Variants in SCEL observed in about 807,000 individuals in gnomAD.
SCEL encodes sciellin.
Under a neutral mutation model 117.6 loss-of-function variants are expected in SCEL, and 113 were observed. That is an observed-to-expected ratio of 0.96 (90% CI 0.83 to 1.12). SCEL has a LOEUF of 1.12. Ranked by LOEUF, SCEL falls within the 50% of genes most tolerant of loss-of-function variation. The pLI is 0.00. For missense variants in SCEL, 785 were observed against 810.8 expected (o/e 0.97, Z 0.39); for synonymous variants, 270 against 256.2 (o/e 1.05, Z -0.51).
chr13:77,593,300 G>GTGTGTGCACGCGTC (rs1555510797), intron 11 of SCEL, among the ~76,000 whole-genome samples: 1 of 145,148 alleles, frequency 6.9e-6, no homozygotes, highest in African/African-American at 2.6e-5. Context: ...GTGTGTGTCT[G>GTGTGTGCACGCGTC]TGTGTGTGTG....
At chr13:77,631,075 G>T (rs561304911) in intron 28 of SCEL, among the ~76,000 whole-genome samples, 7 of 152,198 alleles carry the variant, frequency 4.6e-5, no homozygotes, top group African/African-American at 1.7e-4. Context: ...AACCTCTAAG[G>T]CAGTGATTCT....
chr13:77,614,055 C>T (rs2088859359), intron 24 of SCEL, 100 bp downstream of exon 24: 1 of 984,262 alleles, frequency 1.0e-6, no homozygotes, highest in Non-Finnish European at 1.6e-6. Context: ...GAATATAAAT[C>T]TCAAAATATC....
intron 7 of SCEL, 131 bp downstream of exon 7, chr13:77,568,464 G>A: frequency 1.7e-6 from 1 of 574,372 alleles, no homozygotes; most frequent in Admixed American, 3.8e-5. Flanking sequence ...AGTAGTAGAA[G>A]ACAATACCAA....
chr13:77,582,277 AG>A (rs1269574612), intron 9 of SCEL, among the ~76,000 whole-genome samples: 1 of 152,108 alleles, frequency 6.6e-6, no homozygotes, highest in African/African-American at 2.4e-5. Context: ...CCCAGGCTGG[AG>A]TGCAGTGGTG....
chr13:77,594,452 A>C (rs2087105337), intron 12 of SCEL, among the ~76,000 whole-genome samples: 1 of 152,156 alleles, frequency 6.6e-6, no homozygotes. Flanking sequence ...ATGCCAATCC[A>C]TCCAAGCCCT....
chr13:77,636,042 C>G (rs1023267151), intron 29 of SCEL, among the ~76,000 whole-genome samples: 1 of 152,064 alleles, frequency 6.6e-6, no homozygotes, highest in Non-Finnish European at 1.5e-5. Context: ...GTCTGTTGAC[C>G]GGAAGCCTCT....
chr13:77,640,682 C>G lies in SCEL; in HGVS notation c.1845C>G (p.Val615=). The change falls in exon 31 of 33, where the codon GTC becomes GTG. Residue 615 remains valine (V), a synonymous_variant. Transcript: ENST00000349847. ...ATTGCTTACATTTCTATAGGTCTGT[C>G]ATTGAAAGAGATATGTGCACTTACT... The part of the protein sequence containing the change: ...QTVYSTSDRS[V]IERDMCTYCR... 1 of 1,560,708 alleles carries G rather than the reference C, an allele frequency of 6.4e-7. No homozygotes were observed. The highest frequency in any genetic ancestry group is 1.4e-5 in the African/African-American group (1 of 73,250).
In SCEL at chr13:77,596,333, T is replaced by TA. The variant is rs571492644; in HGVS notation, c.753-1200dup. 7.8e-3 allele frequency among the ~76,000 whole-genome samples: 911 copies of TA among 116,998 alleles called. 7 individuals carry two copies. The highest frequency in any genetic ancestry group is 0.022 in the African/African-American group (823 of 37,778). The allele number at this position is 116,998 out of a possible 152,430, so 76.8% of individuals were successfully genotyped here. A position where few individuals can be genotyped will look rare whatever the true frequency, so the allele number is the denominator to read the frequency against. On this transcript the variant is annotated intron_variant, in intron 12 of 32. Transcript: ENST00000349847. The stretch of plus-strand genomic sequence containing the variant: ...GGGCAACAAGAGTGAAACTCTGTCT[T>TA]AAAAAAAAAAAAGTATAGCAAGCAT...
At chr13:77,596,556 C>A (rs1397759665) in intron 12 of SCEL, among the ~76,000 whole-genome samples, 1 of 152,112 alleles carries the variant, frequency 6.6e-6, no homozygotes, top group Non-Finnish European at 1.5e-5. Flanking sequence ...AGGTAACTCA[C>A]CCAGATTCAC....
chr13:77,566,033 C>A (rs1018385801), intron 5 of SCEL, among the ~76,000 whole-genome samples: 1 of 152,182 alleles, frequency 6.6e-6, no homozygotes, highest in Non-Finnish European at 1.5e-5. Context: ...TAATCTCCCA[C>A]AGCAATAAGA....
intron 19 of SCEL, among the ~76,000 whole-genome samples, chr13:77,605,811 C>G (rs2088122152): frequency 6.6e-6 from 1 of 152,034 alleles, no homozygotes; most frequent in Non-Finnish European, 1.5e-5. Context: ...TCGAGACCAT[C>G]CTGGCTAACA....
chr13:77,543,600 T>C (rs1303854727), intron 1 of SCEL, among the ~76,000 whole-genome samples: 3 of 152,216 alleles, frequency 2.0e-5, no homozygotes, highest in African/African-American at 7.2e-5. Flanking sequence ...CCAATTCTTC[T>C]CTGTTGAGCT....
At chr13:77,575,754 A>G (rs996920271) in intron 9 of SCEL, among the ~76,000 whole-genome samples, 1 of 152,204 alleles carries the variant, frequency 6.6e-6, no homozygotes, top group South Asian at 2.1e-4. Context: ...TGTGATTTCA[A>G]CCATTGGGAT....
intron 9 of SCEL, among the ~76,000 whole-genome samples, chr13:77,578,567 ATGT>A (rs1222498552): frequency 6.6e-6 from 1 of 152,132 alleles, no homozygotes; most frequent in Non-Finnish European, 1.5e-5. Context: ...GGGAGATCTG[ATGT>A]TGTAGGAAGA....
Position 77,642,692 on chromosome 13 carries a change from A to G in SCEL, c.1948-14A>G. On this transcript the variant is annotated splice_polypyrimidine_tract_variant and intron_variant, in intron 31 of 32. Coordinates refer to ENST00000349847, the MANE Select transcript of SCEL (RefSeq NM_144777.3). ...TTTACAATGGAAACTTTATATATGT[A>G]TTTTTTTCTTTAGTGTGAAATATGC... 2 of 1,458,026 alleles carry G rather than the reference A, an allele frequency of 1.4e-6. No homozygotes were observed. The highest frequency in any genetic ancestry group is 1.9e-6 in the Non-Finnish European group (2 of 1,052,186). 90.3% of individuals were successfully genotyped at this position (1,458,026 alleles called of 1,614,324 possible).
intron 29 of SCEL, 58 bp downstream of exon 29, chr13:77,634,508 G>T: frequency 7.9e-7 from 1 of 1,260,694 alleles, no homozygotes; most frequent in Non-Finnish European, 1.1e-6. Flanking sequence ...AAGGATCTAT[G>T]TTTAATAAGA....
intron 9 of SCEL, among the ~76,000 whole-genome samples, chr13:77,579,538 A>T (rs1394063286): frequency 6.6e-6 from 1 of 152,110 alleles, no homozygotes; most frequent in African/African-American, 2.4e-5. Context: ...TTTCCAAAAC[A>T]ATTGTTGGGC....
intron 9 of SCEL, among the ~76,000 whole-genome samples, chr13:77,580,587 T>G (rs1175399109): frequency 2.6e-5 from 4 of 152,192 alleles, no homozygotes; most frequent in Non-Finnish European, 1.5e-5. Context: ...GACTTGGAGA[T>G]TCAGTGGTTA....
At chr13:77,592,955 C>T (rs1375429506) in intron 11 of SCEL, among the ~76,000 whole-genome samples, 1 of 152,112 alleles carries the variant, frequency 6.6e-6, no homozygotes, top group East Asian at 1.9e-4. Flanking sequence ...TACATGAGCC[C>T]TCTATGTGCT....
Sources: allele counts gnomAD v4.1 joint callset (sites outside exome capture counted in the v4.1 genomes callset), GRCh38; gene constraint gnomAD v4.1.1; transcripts MANE v1.5; gene names NCBI Gene and HGNC (gene_info 2026-07-23, HGNC 2026-07-21).